Variants in SH3GL2 observed in about 807,000 individuals in gnomAD.
SH3GL2 encodes the protein endophilin-A1.
SH3GL2 carries 24 observed loss-of-function variants against 46.0 expected under a neutral mutation model. The observed-to-expected ratio is 0.52, with a 90% CI of 0.38 to 0.73. SH3GL2 has a LOEUF of 0.73. Ranked by LOEUF, SH3GL2 falls within the 30% of genes least tolerant of loss-of-function variation. The pLI is 0.00. For missense variants in SH3GL2, 413 were observed against 424.2 expected (o/e 0.97, Z 0.23); for synonymous variants, 196 against 147.1 (o/e 1.33, Z -2.40).
In SH3GL2 at chr9:17,747,107, A is replaced by G. The variant is rs1255643610; in HGVS notation, c.87A>G (p.Leu29=). The G allele has an allele frequency of 1.9e-6, 3 of 1,610,214 alleles. No individual in the cohort carries two copies. The highest frequency in any genetic ancestry group is 2.2e-5 in the East Asian group (1 of 44,824). The change falls in exon 2 of 9, where the codon CTA becomes CTG. Residue 29 remains leucine (L), a synonymous_variant. Coordinates refer to ENST00000380607, the MANE Select transcript of SH3GL2 (RefSeq NM_003026.5). ...TTGGAGGAGCTGAAGGAACCAAGCT[A>G]GATGATGACTTCAAAGAGATGGAAA... The part of the protein sequence containing the change: ...EKVGGAEGTK[L]DDDFKEMERK...
rs139709900 is a variant in SH3GL2, at chr9:17,719,411, A to G, written c.46-27655A>G. ...CTGCCAAATTCAGAGCAGCTTATAAATATGAAGAAGGGACAGAATCTTGTC... is the reference window on the plus strand; with the variant it reads ...CTGCCAAATTCAGAGCAGCTTATAAGTATGAAGAAGGGACAGAATCTTGTC... On this transcript the variant is annotated intron_variant, in intron 1 of 8. Coordinates refer to ENST00000380607, the MANE Select transcript of SH3GL2 (RefSeq NM_003026.5). Among the ~76,000 whole-genome samples, 5 of 152,294 alleles carry G rather than the reference A, an allele frequency of 3.3e-5. No homozygotes were observed. The East Asian group carries it at 9.7e-4, about 29-fold the overall frequency.
At chr9:17,722,744 A>C (rs1821927063) in intron 1 of SH3GL2, among the ~76,000 whole-genome samples, 1 of 152,090 alleles carries the variant, frequency 6.6e-6, no homozygotes. Context: ...AGGCTTATGC[A>C]TACATTGTCA....
intron 3 of SH3GL2, among the ~76,000 whole-genome samples, chr9:17,783,860 C>G (rs1823881383): frequency 6.6e-6 from 1 of 152,068 alleles, no homozygotes; most frequent in East Asian, 1.9e-4. Flanking sequence ...GCACATACAA[C>G]TTGGTAAAGC....
chr9:17,667,872 T>C (rs998195125), intron 1 of SH3GL2, among the ~76,000 whole-genome samples: 5 of 152,210 alleles, frequency 3.3e-5, no homozygotes, highest in Admixed American at 1.3e-4. Flanking sequence ...TGGTATCTTA[T>C]TGTGATTTGA....
chr9:17,616,845 A>G (rs1042680190), intron 1 of SH3GL2, among the ~76,000 whole-genome samples: 2 of 152,080 alleles, frequency 1.3e-5, no homozygotes, highest in Admixed American at 1.3e-4. Flanking sequence ...CTTATTTGTT[A>G]CTTTTATTTC....
chr9:17,641,702 G>T (rs1304525336), intron 1 of SH3GL2, among the ~76,000 whole-genome samples: 2 of 152,078 alleles, frequency 1.3e-5, no homozygotes, highest in Admixed American at 1.3e-4. Context: ...TTGGTTTTCT[G>T]TTCCTCTGTG....
At chr9:17,610,729 G>GTT (rs59800681) in intron 1 of SH3GL2, among the ~76,000 whole-genome samples, 123 of 150,286 alleles carry the variant, frequency 8.2e-4, no homozygotes, top group East Asian at 2.5e-3. Flanking sequence ...GTTTTCTAAA[G>GTT]TTTTTTTTTT....
At chr9:17,610,221 A>G (rs1191576936) in intron 1 of SH3GL2, among the ~76,000 whole-genome samples, 1 of 152,162 alleles carries the variant, frequency 6.6e-6, no homozygotes, top group Admixed American at 6.5e-5. Flanking sequence ...TCTGGCGTAG[A>G]GTAAGTGATA....
intron 3 of SH3GL2, among the ~76,000 whole-genome samples, chr9:17,768,532 GC>G (rs1210051006): frequency 6.6e-6 from 1 of 152,032 alleles, no homozygotes; most frequent in African/African-American, 2.4e-5. Flanking sequence ...CCTCAGCATG[GC>G]CTTTAAGATC....
chr9:17,661,257 G>T, intron 1 of SH3GL2, among the ~76,000 whole-genome samples: 1 of 152,322 alleles, frequency 6.6e-6, no homozygotes, highest in Non-Finnish European at 1.5e-5. Context: ...TTAGCCCTGT[G>T]CTGTTGATTT....
intron 1 of SH3GL2, among the ~76,000 whole-genome samples, chr9:17,635,899 T>C (rs1819531048): frequency 1.3e-5 from 2 of 152,166 alleles, no homozygotes; most frequent in South Asian, 2.1e-4. Flanking sequence ...TTCTATTTTC[T>C]CTCACCTCCA....
intron 1 of SH3GL2, among the ~76,000 whole-genome samples, chr9:17,608,364 T>A (rs906220671): frequency 1.3e-5 from 2 of 152,072 alleles, no homozygotes; most frequent in Non-Finnish European, 2.9e-5. Context: ...GCCGGGATGG[T>A]CTCGATCTCC....
intron 3 of SH3GL2, among the ~76,000 whole-genome samples, chr9:17,771,840 C>G (rs1337993754): frequency 1.3e-5 from 2 of 152,012 alleles, no homozygotes; most frequent in African/African-American, 2.4e-5. Flanking sequence ...ATATAAATAC[C>G]ATTATTTGGG....
Position 17,786,418 on chromosome 9 carries a change from A to G in SH3GL2, c.225A>G (p.Ser75=). ...RAKLSMINTM[S]KIRGQEKGPG... is the part of the protein sequence containing the mutation. ...AGCTCAGCATGATCAACACCATGTC[A>G]AAAATCCGTGGCCAGGAGAAGGGGC... Residue 75 remains serine (S), a synonymous_variant, in exon 4 of 9, where the codon TCA becomes TCG. Transcript: ENST00000380607. 2 of 1,613,316 alleles carry G rather than the reference A, an allele frequency of 1.2e-6. No individual in the cohort carries two copies. The highest frequency in any genetic ancestry group is 1.7e-6 in the Non-Finnish European group (2 of 1,179,576).
intron 1 of SH3GL2, among the ~76,000 whole-genome samples, chr9:17,631,029 T>C (rs1178539537): frequency 6.6e-6 from 1 of 151,866 alleles, no homozygotes; most frequent in Non-Finnish European, 1.5e-5. Flanking sequence ...TATGTGATGT[T>C]TGATAGCATT....
At chr9:17,690,210 A>C (rs1821039490) in intron 1 of SH3GL2, among the ~76,000 whole-genome samples, 1 of 152,154 alleles carries the variant, frequency 6.6e-6, no homozygotes, top group African/African-American at 2.4e-5. Context: ...GGCAAAAAGA[A>C]GTGACTGCTC....
intron 8 of SH3GL2, among the ~76,000 whole-genome samples, chr9:17,794,122 A>T (rs1264164085): frequency 6.6e-6 from 1 of 152,218 alleles, no homozygotes; most frequent in East Asian, 1.9e-4. Context: ...ATGACATTTT[A>T]TCTCAGGAAT....
At chr9:17,791,437 A>G (rs1220249165) in intron 7 of SH3GL2, 103 bp downstream of exon 7, 29 of 842,386 alleles carry the variant, frequency 3.4e-5, no homozygotes, top group Non-Finnish European at 5.3e-5. Context: ...AACGTCTGCC[A>G]AAATTCCGCT....
chr9:17,788,530 A>C (rs1373220796), intron 5 of SH3GL2, among the ~76,000 whole-genome samples: 1 of 151,944 alleles, frequency 6.6e-6, no homozygotes. Context: ...ATTTTCCTTC[A>C]TCCATTAGTA....
Sources: allele counts gnomAD v4.1 joint callset (sites outside exome capture counted in the v4.1 genomes callset), GRCh38; gene constraint gnomAD v4.1.1; transcripts MANE v1.5; gene names NCBI Gene and HGNC (gene_info 2026-07-23, HGNC 2026-07-21).